The following CNTNAP4 variants were observed in gnomAD, a reference collection of about 807,000 sequenced individuals.
The protein encoded by CNTNAP4 is contactin-associated protein-like 4.
Under a neutral mutation model 148.4 loss-of-function variants are expected in CNTNAP4, and 98 were observed. The ratio of observed to expected loss-of-function variants is 0.66; its 90% CI spans 0.56 to 0.78. The LOEUF (loss-of-function observed/expected upper bound fraction) is 0.78, where lower values mean the gene tolerates loss of function less well. Ranked by LOEUF, CNTNAP4 falls within the 30% of genes least tolerant of loss-of-function variation. CNTNAP4 has a pLI of 0.00. For synonymous variants in CNTNAP4, 730 were observed against 565.1 expected (o/e 1.29, Z -4.14); for missense variants, 1,935 against 1,565.6 (o/e 1.24, Z -3.98).
chr16:76,327,760 G>A (rs1201508932), intron 2 of CNTNAP4, among the ~76,000 whole-genome samples: 4 of 152,204 alleles, frequency 2.6e-5, no homozygotes, highest in African/African-American at 4.8e-5. Context: ...GTGCCAAAGA[G>A]GATGAGAGCT....
At chr16:76,492,222 A>T (rs575185359) in intron 13 of CNTNAP4, among the ~76,000 whole-genome samples, 1 of 152,300 alleles carries the variant, frequency 6.6e-6, no homozygotes, top group African/African-American at 2.4e-5. Context: ...TGTATTGTAT[A>T]CTTGAAATCT....
intron 5 of CNTNAP4, 46 bp from the exon 6 acceptor site, chr16:76,448,721 C>A (rs375330032): frequency 2.1e-5 from 25 of 1,207,304 alleles, no homozygotes; most frequent in Non-Finnish European, 2.1e-5. Context: ...TTTTTTTTTT[C>A]TTTAGACTGG....
At chr16:76,337,297 A>C (rs1314843551) in intron 2 of CNTNAP4, among the ~76,000 whole-genome samples, 1 of 152,154 alleles carries the variant, frequency 6.6e-6, no homozygotes, top group Admixed American at 6.5e-5. Context: ...ATTTCAGTGT[A>C]GGTTCTTTTC....
At chr16:76,280,738 A>T (rs1958655317) in intron 1 of CNTNAP4, among the ~76,000 whole-genome samples, 1 of 152,128 alleles carries the variant, frequency 6.6e-6, no homozygotes, top group Non-Finnish European at 1.5e-5. Flanking sequence ...GAGAAGCTGC[A>T]CTGGCTGTTC....
intron 20 of CNTNAP4, 124 bp downstream of exon 20, chr16:76,539,976 A>G: frequency 3.0e-6 from 2 of 664,040 alleles, no homozygotes; most frequent in Non-Finnish European, 2.5e-6. Context: ...TTCTGCAGAT[A>G]ATAGACCTCA....
At chr16:76,545,567 A>G (rs969474033) in intron 21 of CNTNAP4, among the ~76,000 whole-genome samples, 4 of 137,716 alleles carry the variant, frequency 2.9e-5, no homozygotes, top group Admixed American at 2.2e-4. Context: ...ATAATAACAC[A>G]TAGAGCTCTA....
At chr16:76,337,594 G>A (rs1392077883) in intron 2 of CNTNAP4, among the ~76,000 whole-genome samples, 1 of 152,180 alleles carries the variant, frequency 6.6e-6, no homozygotes, top group Non-Finnish European at 1.5e-5. Context: ...GGCATGCATT[G>A]TATTGATAAA....
chr16:76,388,339 A>G (rs1050951918), intron 3 of CNTNAP4, among the ~76,000 whole-genome samples: 3 of 152,264 alleles, frequency 2.0e-5, no homozygotes, highest in Non-Finnish European at 4.4e-5. Context: ...ATGAAAAACA[A>G]ACAAATAAAA....
intron 1 of CNTNAP4, among the ~76,000 whole-genome samples, chr16:76,290,448 C>T (rs74024979): frequency 0.021 from 3,239 of 152,274 alleles, 111 homozygotes; most frequent in African/African-American, 0.075. Context: ...TAACAACAAG[C>T]CCCTTTTGAT....
chr16:76,337,427 G>A (rs1964112161), intron 2 of CNTNAP4, among the ~76,000 whole-genome samples: 1 of 152,142 alleles, frequency 6.6e-6, no homozygotes, highest in Admixed American at 6.5e-5. Context: ...ATGCCTACCT[G>A]AGCTGCAAAA....
intron 1 of CNTNAP4, among the ~76,000 whole-genome samples, chr16:76,280,745 G>A (rs1190715169): frequency 1.3e-5 from 2 of 152,106 alleles, no homozygotes; most frequent in African/African-American, 4.8e-5. Context: ...TGCACTGGCT[G>A]TTCTTGGTTT....
intron 2 of CNTNAP4, among the ~76,000 whole-genome samples, chr16:76,323,599 T>C (rs1962659622): frequency 6.6e-6 from 1 of 152,300 alleles, no homozygotes; most frequent in East Asian, 1.9e-4. Context: ...GTCGATTTAT[T>C]TGATTTAACA....
intron 3 of CNTNAP4, among the ~76,000 whole-genome samples, chr16:76,358,568 A>T (rs1206746099): frequency 6.6e-6 from 1 of 152,188 alleles, no homozygotes; most frequent in East Asian, 1.9e-4. Flanking sequence ...AGGCTATTTT[A>T]TGAAGCTGGA....
At chr16:76,282,905 A>T (rs1233547396) in intron 1 of CNTNAP4, among the ~76,000 whole-genome samples, 1 of 151,884 alleles carries the variant, frequency 6.6e-6, no homozygotes, top group African/African-American at 2.4e-5. Context: ...TCACTTGTTA[A>T]AATAGTTTAT....
At chr16:76,557,221 T>C (rs1167473318) in intron 23 of CNTNAP4, among the ~76,000 whole-genome samples, 1 of 152,222 alleles carries the variant, frequency 6.6e-6, no homozygotes, top group Non-Finnish European at 1.5e-5. Flanking sequence ...AATTTTATCT[T>C]TCACAACATA....
rs986409910 is a variant in CNTNAP4 at position 76,449,061 on chromosome 16, A to G, written c.927+110A>G. 14 of 1,023,816 alleles carry G rather than the reference A, an allele frequency of 1.4e-5. No homozygotes were observed. In the Admixed American group the frequency reaches 1.7e-4, roughly 12 times the overall value. The allele number at this position is 1,023,816 out of a possible 1,614,324, so 63.4% of individuals were successfully genotyped here. A position where few individuals can be genotyped will look rare whatever the true frequency, so the allele number is the denominator to read the frequency against. ...CCACCTTTTCAGTAAATCATAGAAC[A>G]GGTGAAGCATTTCCCAAGGCAGTCT... is the stretch of plus-strand genomic sequence containing the variant. On this transcript the variant is annotated intron_variant, in intron 6 of 23. Transcript: ENST00000611870.
intron 2 of CNTNAP4, among the ~76,000 whole-genome samples, chr16:76,335,881 C>T (rs1035924357): frequency 6.6e-6 from 1 of 152,036 alleles, no homozygotes; most frequent in African/African-American, 2.4e-5. Context: ...AATGTCATGA[C>T]CAAGTACATC....
At chr16:76,448,394 A>G (rs564197150) in intron 5 of CNTNAP4, among the ~76,000 whole-genome samples, 179 bp downstream of exon 5, 63 of 7,988 alleles carry the variant, frequency 7.9e-3, no homozygotes, top group Non-Finnish European at 0.021. Context: ...CAAATTGCAC[A>G]AAATCTTCAG....
At chr16:76,463,180 C>T (rs1438829821) in intron 9 of CNTNAP4, among the ~76,000 whole-genome samples, 1 of 152,094 alleles carries the variant, frequency 6.6e-6, no homozygotes, top group Admixed American at 6.6e-5. Flanking sequence ...TTATGGCAAT[C>T]CATAGTAACA....
Sources: allele counts gnomAD v4.1 joint callset (sites outside exome capture counted in the v4.1 genomes callset), GRCh38; gene constraint gnomAD v4.1.1; transcripts MANE v1.5; gene names NCBI Gene and HGNC (gene_info 2026-07-23, HGNC 2026-07-21).